The following CSNK2A2IP variants were observed in gnomAD, a reference collection of about 807,000 sequenced individuals.
CSNK2A2IP encodes the protein casein kinase II subunit alpha'-interacting protein.
At chr3:88,355,136 T>C in the CSNK2A2IP span, among the ~76,000 whole-genome samples, 1 of 152,172 alleles carries the variant, frequency 6.6e-6, no homozygotes, top group Non-Finnish European at 1.5e-5. Context: ...AAGCTATCGT[T>C]GATCTGCATG....
the CSNK2A2IP span, among the ~76,000 whole-genome samples, chr3:88,346,042 T>C: frequency 1.3e-5 from 2 of 151,934 alleles, no homozygotes; most frequent in African/African-American, 4.8e-5. Context: ...ATTGCTGATA[T>C]GGAGAAAAAT....
At chr3:88,393,925 C>T in the CSNK2A2IP span, among the ~76,000 whole-genome samples, 3 of 152,070 alleles carry the variant, frequency 2.0e-5, no homozygotes, top group African/African-American at 7.2e-5. Flanking sequence ...TGACAGGCCA[C>T]AGATGAGCAA....
the CSNK2A2IP span, among the ~76,000 whole-genome samples, chr3:88,381,014 TG>T: frequency 6.6e-6 from 1 of 152,180 alleles, no homozygotes; most frequent in African/African-American, 2.4e-5. Context: ...GGAGATTAAA[TG>T]GGTTCTCCAT....
At chr3:88,356,874 C>T in the CSNK2A2IP span, among the ~76,000 whole-genome samples, 1 of 152,024 alleles carries the variant, frequency 6.6e-6, no homozygotes, top group Admixed American at 6.6e-5. Context: ...TTTCTTATAT[C>T]TGTTGGCCTT....
At chr3:88,428,073 T>C in the CSNK2A2IP span, among the ~76,000 whole-genome samples, 4 of 152,312 alleles carry the variant, frequency 2.6e-5, no homozygotes, top group East Asian at 5.8e-4. Context: ...TGCACAAGAC[T>C]GTGGGAGCCC....
chr3:88,376,834 C>A, the CSNK2A2IP span, among the ~76,000 whole-genome samples: 1 of 151,660 alleles, frequency 6.6e-6, no homozygotes, highest in Non-Finnish European at 1.5e-5. Flanking sequence ...GTTATTAAAC[C>A]CAATGACTTT....
the CSNK2A2IP span, among the ~76,000 whole-genome samples, chr3:88,430,045 GC>G: frequency 6.6e-6 from 1 of 152,060 alleles, no homozygotes; most frequent in African/African-American, 2.4e-5. Context: ...ACAGGCGTGA[GC>G]CACTGCGCCC....
chr3:88,436,887 G>T, the CSNK2A2IP span, among the ~76,000 whole-genome samples: 1 of 152,016 alleles, frequency 6.6e-6, no homozygotes, highest in South Asian at 2.1e-4. Context: ...TTTAAAATTT[G>T]GGGGCAAACC....
chr3:88,355,485 T>G, the CSNK2A2IP span, among the ~76,000 whole-genome samples: 4 of 152,108 alleles, frequency 2.6e-5, no homozygotes, highest in Non-Finnish European at 5.9e-5. Context: ...CTGAAAGACT[T>G]GAGAATTCTG....
At chr3:88,432,289 ATTAT>A in the CSNK2A2IP span, among the ~76,000 whole-genome samples, 1 of 151,934 alleles carries the variant, frequency 6.6e-6, no homozygotes, top group Non-Finnish European at 1.5e-5. Flanking sequence ...AGTTTCAGTA[ATTAT>A]TTAATTCCAT....
At chr3:88,458,139 TG>T in the CSNK2A2IP span, among the ~76,000 whole-genome samples, 1 of 126,276 alleles carries the variant, frequency 7.9e-6, no homozygotes, top group Non-Finnish European at 1.7e-5. Context: ...TTTGTAATTG[TG>T]GTTTTTTTTT....
At chr3:88,347,661 C>CA in the CSNK2A2IP span, among the ~76,000 whole-genome samples, 1 of 151,898 alleles carries the variant, frequency 6.6e-6, no homozygotes, top group African/African-American at 2.4e-5. Context: ...ACTGAGAAAC[C>CA]AAAACATTAT....
At chr3:88,450,862 A>G in the CSNK2A2IP span, among the ~76,000 whole-genome samples, 2 of 152,100 alleles carry the variant, frequency 1.3e-5, no homozygotes, top group Admixed American at 6.6e-5. Flanking sequence ...CTCTGGGTTT[A>G]CATCCAGAAG....
chr3:88,374,158 A>G, the CSNK2A2IP span, among the ~76,000 whole-genome samples: 2 of 151,734 alleles, frequency 1.3e-5, no homozygotes, highest in Admixed American at 1.3e-4. Context: ...TTAAGATCCT[A>G]TTAAAATAGT....
the CSNK2A2IP span, among the ~76,000 whole-genome samples, chr3:88,353,153 A>T: frequency 6.6e-6 from 1 of 152,024 alleles, no homozygotes; most frequent in Non-Finnish European, 1.5e-5. Context: ...TTTAGTTTCA[A>T]CTCCCCCAAC....
At chr3:88,462,086 C>T in the CSNK2A2IP span, among the ~76,000 whole-genome samples, 2 of 147,908 alleles carry the variant, frequency 1.4e-5, no homozygotes, top group East Asian at 4.0e-4. Flanking sequence ...CTAGTAATAT[C>T]CAGATTATCA....
At chr3:88,466,324 C>T in the CSNK2A2IP span, 1 of 1,231,758 alleles carries the variant, frequency 8.1e-7, no homozygotes, top group Admixed American at 4.2e-5. Flanking sequence ...GCTCAATTCT[C>T]AGTCAATGTT....
the CSNK2A2IP span, among the ~76,000 whole-genome samples, chr3:88,389,273 G>A: frequency 1.3e-5 from 2 of 151,942 alleles, no homozygotes; most frequent in South Asian, 2.1e-4. Context: ...AAATGAGGAC[G>A]TTAGTTATTG....
chr3:88,456,226 C>T, the CSNK2A2IP span, among the ~76,000 whole-genome samples: 1 of 151,998 alleles, frequency 6.6e-6, no homozygotes, highest in Non-Finnish European at 1.5e-5. Context: ...TCTATTTCTG[C>T]AAGCAATGCT....
Sources: allele counts gnomAD v4.1 joint callset (sites outside exome capture counted in the v4.1 genomes callset), GRCh38; gene constraint gnomAD v4.1.1; transcripts MANE v1.5; gene names NCBI Gene and HGNC (gene_info 2026-07-23, HGNC 2026-07-21).